AGPAT4: variants seen among roughly 807,000 people sequenced by gnomAD.
AGPAT4 encodes the protein 1-acyl-sn-glycerol-3-phosphate acyltransferase delta.
AGPAT4 carries 15 observed loss-of-function variants against 48.0 expected under a neutral mutation model. The observed-to-expected ratio is 0.31, with a 90% CI of 0.21 to 0.48. The LOEUF (loss-of-function observed/expected upper bound fraction) is 0.48, where lower values mean the gene tolerates loss of function less well. Ranked by LOEUF, AGPAT4 falls within the 20% of genes least tolerant of loss-of-function variation. The pLI is 0.99. For missense variants in AGPAT4, 314 were observed against 482.5 expected, an observed-to-expected ratio of 0.65 and a Z score of 3.27; for synonymous variants, 178 against 198.7, an observed-to-expected ratio of 0.90 and a Z score of 0.88.
Position 161,261,468 on chromosome 6 carries a change from G to A in AGPAT4, c.-90+12470C>T, listed in dbSNP as rs764351447. ...GGTGGTTAATAAATATCCATAGAAT[G>A]AATGAACTGAATGGTCAGTCACATT... On this transcript the variant is annotated intron_variant, in intron 1 of 8. Transcript: ENST00000320285. The surrounding 1 kb of genome is among the most constrained non-coding windows in gnomAD (Gnocchi z 5.3). Among the ~76,000 whole-genome samples, 1 of 152,194 alleles carries A rather than the reference G, an allele frequency of 6.6e-6. No homozygotes were observed.
chr6:161,257,894 T>C (rs1782987686), intron 1 of AGPAT4, among the ~76,000 whole-genome samples: 1 of 152,206 alleles, frequency 6.6e-6, no homozygotes, highest in Non-Finnish European at 1.5e-5. Flanking sequence ...ACGCAGTCTG[T>C]CAAATGTTTA....
In AGPAT4 at chr6:161,158,087, T is replaced by C. The variant is rs1176295581; in HGVS notation, c.349-3777A>G. ...TCTGAACACCTCCTTATTCAACCCA[T>C]TTTCTCTGCCATGCTTTAGCGTAAT... On this transcript the variant is annotated intron_variant, in intron 3 of 8. Coordinates refer to ENST00000320285, the MANE Select transcript of AGPAT4 (RefSeq NM_020133.3). The surrounding 1 kb of genome is among the most constrained non-coding windows in gnomAD (Gnocchi z 5.3). Among the ~76,000 whole-genome samples the C allele has an allele frequency of 2.6e-5, 4 of 152,220 alleles. No homozygotes were observed. The highest frequency in any genetic ancestry group is 9.6e-5 in the African/African-American group (4 of 41,462).
At chr6:161,183,370 A>C (rs1462442015) in intron 2 of AGPAT4, among the ~76,000 whole-genome samples, 2 of 151,936 alleles carry the variant, frequency 1.3e-5, no homozygotes, top group Admixed American at 6.6e-5. Context: ...CTGTAATCCC[A>C]GCACTTTGGG....
chr6:161,154,225 G>A lies in AGPAT4; in HGVS notation c.434C>T (p.Ser145Leu), dbSNP rs141441479. The change falls in exon 4 of 9, where the codon TCG becomes TTG. Residue 145 changes from serine to leucine, a missense_variant. Ser to Leu is a moderately radical substitution (Grantham distance 145). Coordinates refer to ENST00000320285, the MANE Select transcript of AGPAT4 (RefSeq NM_020133.3). This position sits in a 1 kb window ranked among gnomAD's most constrained non-coding sequence, Gnocchi z 7.8. ...MWYFTEMVFC[S>L]RKWEQDRKTV... ...CTTGCGATCCTGCTCCCACTTGCGC[G>A]AACAGAAGACCATCTCGGTGAAGTA... is the stretch of plus-strand genomic sequence containing the variant. The A allele has an allele frequency of 9.9e-6, 16 of 1,613,970 alleles. No individual in the cohort carries two copies. Among genetic ancestry groups the A allele is most frequent in the Non-Finnish European group, 1.3e-5 (15 of 1,180,026 alleles).
chr6:161,226,459 G>A lies in AGPAT4; in HGVS notation c.178+5577C>T, dbSNP rs367800383. Among the ~76,000 whole-genome samples the A allele has an allele frequency of 3.9e-5, 6 of 152,190 alleles. No individual in the cohort carries two copies. Among genetic ancestry groups the A allele is most frequent in the South Asian group, 2.1e-4 (1 of 4,832 alleles). On this transcript the variant is annotated intron_variant, in intron 2 of 8. Transcript: ENST00000320285. This position sits in a 1 kb window ranked among gnomAD's most constrained non-coding sequence, Gnocchi z 6.3. ...ATGCAGGGGTTGGAAAAGCCACAGC[G>A]ACACTCTCTTTGGGGGATCAACAGC...
chr6:161,168,087 C>T (rs75080457), intron 2 of AGPAT4, among the ~76,000 whole-genome samples: 1,845 of 150,366 alleles, frequency 0.012, 32 homozygotes, highest in African/African-American at 0.044. Flanking sequence ...GGAATAGTGA[C>T]GCATCCTGGG....
intron 3 of AGPAT4, among the ~76,000 whole-genome samples, chr6:161,162,798 C>T (rs894439392): frequency 6.6e-6 from 1 of 152,210 alleles, no homozygotes; most frequent in Non-Finnish European, 1.5e-5. Flanking sequence ...CCTGGCGCTA[C>T]CCAGACACTG....
intron 5 of AGPAT4, 86 bp downstream of exon 5, chr6:161,153,260 G>A: frequency 6.7e-7 from 1 of 1,497,306 alleles, no homozygotes; most frequent in Non-Finnish European, 9.0e-7. Flanking sequence ...GGAAGTGCTG[G>A]CAGGAAGCAA....
intron 1 of AGPAT4, among the ~76,000 whole-genome samples, chr6:161,239,493 T>A (rs775124319): frequency 7.2e-5 from 11 of 152,248 alleles, no homozygotes; most frequent in Non-Finnish European, 1.2e-4. Context: ...TTTATTTGTT[T>A]GTTTTTAATA....
At position 161,155,076 on chromosome 6, in the gene AGPAT4, G is replaced by C. The variant is rs1779729463; in HGVS notation, c.349-766C>G. ...AGACGGGGCAGAAGCACCTGCCAGA[G>C]ACCTTCTTGAGGCTGACGCAGGTGC... On this transcript the variant is annotated intron_variant, in intron 3 of 8. Coordinates refer to ENST00000320285, the MANE Select transcript of AGPAT4 (RefSeq NM_020133.3). This position sits in a 1 kb window ranked among gnomAD's most constrained non-coding sequence, Gnocchi z 5.8. Among the ~76,000 whole-genome samples the C allele has an allele frequency of 6.6e-6, 1 of 152,118 alleles. No homozygotes were observed. The highest frequency in any genetic ancestry group is 1.5e-5 in the Non-Finnish European group (1 of 68,008).
intron 2 of AGPAT4, among the ~76,000 whole-genome samples, chr6:161,207,173 T>G (rs898386742): frequency 5.3e-5 from 8 of 152,186 alleles, no homozygotes; most frequent in African/African-American, 9.6e-5. Flanking sequence ...GACAATCAAT[T>G]AGTGATTCCA....
chr6:161,165,562 A>C lies in AGPAT4; in HGVS notation c.348+686T>G. 2 of 1,287,192 alleles carry C rather than the reference A, an allele frequency of 1.6e-6. No homozygotes were observed. The highest frequency in any genetic ancestry group is 2.0e-6 in the Non-Finnish European group (2 of 982,862). 79.7% of individuals were successfully genotyped at this position (1,287,192 alleles called of 1,614,324 possible). ...ACCAATGTACACTGTGTACACTGTG[A>C]TTCCTACGGAATACCTGAGTACCGC... On this transcript the variant is annotated intron_variant, in intron 3 of 8. Coordinates refer to ENST00000320285, the MANE Select transcript of AGPAT4 (RefSeq NM_020133.3). The surrounding 1 kb of genome is among the most constrained non-coding windows in gnomAD (Gnocchi z 5.5).
Position 161,136,081 on chromosome 6 carries a change from G to T in AGPAT4, c.*459C>A, listed in dbSNP as rs143834749. The stretch of plus-strand genomic sequence containing the variant: ...GTCAACATACACCACAGATGACCCA[G>T]AAAAGCACTTTAATTTTTTTTTCTT... On this transcript the variant is annotated 3_prime_UTR_variant, in exon 9 of 9. Transcript: ENST00000320285. The T allele has an allele frequency of 7.5e-4, 132 of 174,886 alleles. No homozygotes were observed. Among genetic ancestry groups the T allele is most frequent in the African/African-American group, 2.9e-3 (123 of 41,886 alleles). The allele number at this position is 174,886 out of a possible 1,614,324, so 10.8% of individuals were successfully genotyped here.
Position 161,143,420 on chromosome 6 carries a change from G to A in AGPAT4, c.843+3104C>T, listed in dbSNP as rs1008964060. Among the ~76,000 whole-genome samples, 1 of 152,194 alleles carries A rather than the reference G, an allele frequency of 6.6e-6. No homozygotes were observed. Among genetic ancestry groups the A allele is most frequent in the African/African-American group, 2.4e-5 (1 of 41,448 alleles). On this transcript the variant is annotated intron_variant, in intron 7 of 8. Coordinates refer to ENST00000320285, the MANE Select transcript of AGPAT4 (RefSeq NM_020133.3). The surrounding 1 kb of genome is among the most constrained non-coding windows in gnomAD (Gnocchi z 4.7). ...CTTAATTTGCACTATTAATGGCCAAGTTATAGTCCCTTCTGCAAATGTCAA... is the reference window on the plus strand; with the variant it reads ...CTTAATTTGCACTATTAATGGCCAAATTATAGTCCCTTCTGCAAATGTCAA...
rs1396210572 is a variant in AGPAT4, at chr6:161,133,140, T to C, written c.*3400A>G. 6.6e-6 allele frequency: 1 copy of C among 152,232 alleles called. No individual in the cohort carries two copies. Among genetic ancestry groups the C allele is most frequent in the Non-Finnish European group, 1.5e-5 (1 of 68,058 alleles). The allele number at this position is 152,232 out of a possible 1,614,324, so 9.4% of individuals were successfully genotyped here. On this transcript the variant is annotated 3_prime_UTR_variant, in exon 9 of 9. Transcript: ENST00000320285. Reference sequence around the variant, plus strand: ...ACCTTGCTTCACACTTTGGTCAATATTTATGAATAAGTTCTAAAGCCTATG... The same window carrying C: ...ACCTTGCTTCACACTTTGGTCAATACTTATGAATAAGTTCTAAAGCCTATG...
rs1779704194 is a variant in AGPAT4 at position 161,154,404 on chromosome 6, A to T, written c.349-94T>A. On this transcript the variant is annotated intron_variant, in intron 3 of 8. Coordinates refer to ENST00000320285, the MANE Select transcript of AGPAT4 (RefSeq NM_020133.3). This position sits in a 1 kb window ranked among gnomAD's most constrained non-coding sequence, Gnocchi z 7.8. Reference sequence around the variant, plus strand: ...GACTGAAGTAGAAAAAGAGGAGGGGACGTTCACACCAGACGCCTCGGGACA... The same window carrying T: ...GACTGAAGTAGAAAAAGAGGAGGGGTCGTTCACACCAGACGCCTCGGGACA... 3.4e-6 allele frequency: 5 copies of T among 1,460,836 alleles called. No individual in the cohort carries two copies. Among genetic ancestry groups the T allele is most frequent in the South Asian group, 1.2e-5 (1 of 83,140 alleles). 90.5% of individuals were successfully genotyped at this position (1,460,836 alleles called of 1,614,324 possible).
chr6:161,223,397 T>G lies in AGPAT4; in HGVS notation c.178+8639A>C, dbSNP rs139516885. ...CATTTGACATTTGCTTATTTCAAAG[T>G]GTGGTGGAAAAGGGGATTTTGGAAT... On this transcript the variant is annotated intron_variant, in intron 2 of 8. Transcript: ENST00000320285. The surrounding 1 kb of genome is among the most constrained non-coding windows in gnomAD (Gnocchi z 6.3). 2.6e-5 allele frequency among the ~76,000 whole-genome samples: 4 copies of G among 152,272 alleles called. No homozygotes were observed. The East Asian group carries it at 7.7e-4, about 29-fold the overall frequency.
rs1190310948 is a variant in AGPAT4, at chr6:161,166,124, A to C, written c.348+124T>G. 7.6e-7 allele frequency: 1 copy of C among 1,314,490 alleles called. No individual in the cohort carries two copies. Among genetic ancestry groups the C allele is most frequent in the South Asian group, 1.4e-5 (1 of 71,660 alleles). 81.4% of individuals were successfully genotyped at this position (1,314,490 alleles called of 1,614,324 possible). A position where few individuals can be genotyped will look rare whatever the true frequency, so the allele number is the denominator to read the frequency against. On this transcript the variant is annotated intron_variant, in intron 3 of 8. Coordinates refer to ENST00000320285, the MANE Select transcript of AGPAT4 (RefSeq NM_020133.3). This position sits in a 1 kb window ranked among gnomAD's most constrained non-coding sequence, Gnocchi z 6.7. The stretch of plus-strand genomic sequence containing the variant: ...GAATAAAAAGCAGTTTATTAGGACC[A>C]TTTCATCAAGTAGAAACTCTGTTGA...
Position 161,136,453 on chromosome 6 carries a change from A to T in AGPAT4, c.*87T>A. On this transcript the variant is annotated 3_prime_UTR_variant, in exon 9 of 9. Transcript: ENST00000320285. ...CGCCGTGCCCAGCAGGGGCTCACCC[A>T]GCCTTTGTCACCGTGTCCCACTAAG... The T allele has an allele frequency of 7.8e-7, 1 of 1,278,550 alleles. No homozygotes were observed. Among genetic ancestry groups the T allele is most frequent in the East Asian group, 2.3e-5 (1 of 42,876 alleles). The allele number at this position is 1,278,550 out of a possible 1,614,324, so 79.2% of individuals were successfully genotyped here.
Sources: gnomAD v4.1 joint callset for allele counts (sites outside exome capture counted in the v4.1 genomes callset) on GRCh38, gnomAD v4.1.1 for gene constraint, Gnocchi (gnomAD v3.1) non-coding constraint, MANE v1.5 for transcripts, NCBI Gene and HGNC (gene_info 2026-07-23, HGNC 2026-07-21) for gene names.